TMEM132C: variants seen among roughly 807,000 people sequenced by gnomAD.
The protein encoded by TMEM132C is transmembrane protein 132C.
TMEM132C carries 29 observed loss-of-function variants against 61.4 expected under a neutral mutation model. That is an observed-to-expected ratio of 0.47 (90% CI 0.35 to 0.64). The LOEUF (loss-of-function observed/expected upper bound fraction) is 0.64, where lower values mean the gene tolerates loss of function less well. Ranked by LOEUF, TMEM132C falls within the 30% of genes least tolerant of loss-of-function variation. The probability of loss-of-function intolerance (pLI) is 0.00; values close to 1 mark genes in which losing one functional copy is unlikely to be tolerated. For missense variants in TMEM132C, 1,408 were observed against 1,476.9 expected (o/e 0.95, Z 0.76); for synonymous variants, 656 against 633.1 (o/e 1.04, Z -0.54).
intron 1 of TMEM132C, among the ~76,000 whole-genome samples, chr12:128,409,760 G>C (rs906539240): frequency 6.6e-6 from 1 of 152,088 alleles, no homozygotes; most frequent in African/African-American, 2.4e-5. Context: ...ATCTCAGTAG[G>C]GGGCCAGAGG....
chr12:128,596,997 C>T (rs10400466), intron 3 of TMEM132C, among the ~76,000 whole-genome samples: 8 of 152,134 alleles, frequency 5.3e-5, no homozygotes, highest in East Asian at 3.9e-4. Context: ...TCCAAAACTG[C>T]GGATGCTAAG....
chr12:128,519,872 C>A (rs115984871), intron 2 of TMEM132C, among the ~76,000 whole-genome samples: 1 of 152,202 alleles, frequency 6.6e-6, no homozygotes, highest in East Asian at 1.9e-4. Flanking sequence ...GTTGCCTGTG[C>A]GGCCCTGACT....
At chr12:128,536,508 A>G (rs1267659693) in intron 2 of TMEM132C, among the ~76,000 whole-genome samples, 1 of 148,212 alleles carries the variant, frequency 6.7e-6, no homozygotes, top group Non-Finnish European at 1.5e-5. Context: ...GTGCACGTGT[A>G]CCCTAGAACT....
chr12:128,674,102 G>A (rs76108595), intron 5 of TMEM132C, among the ~76,000 whole-genome samples: 8,929 of 152,218 alleles, frequency 0.059, 760 homozygotes, highest in African/African-American at 0.19. Context: ...TAACATTTTT[G>A]TCACAGTTAA....
Position 128,414,959 on chromosome 12 carries a change from GAGA to G in TMEM132C, c.316_318del (p.Lys106del), listed in dbSNP as rs892978078. Reference sequence around the variant, plus strand: ...TGCCAGCTATGGACCCTTTTCTGTGGAGAAGGTTGTGCCTCTGGACTTGATGTT... The same window carrying G: ...TGCCAGCTATGGACCCTTTTCTGTGGAGGTTGTGCCTCTGGACTTGATGTT... On this transcript the variant is annotated inframe_deletion, in exon 2 of 9. Transcript: ENST00000435159. 1.2e-5 allele frequency: 18 copies of G among 1,551,734 alleles called. No individual in the cohort carries two copies. Among genetic ancestry groups the G allele is most frequent in the Non-Finnish European group, 1.5e-5 (17 of 1,147,062 alleles).
intron 2 of TMEM132C, among the ~76,000 whole-genome samples, chr12:128,525,596 G>A (rs752863711): frequency 2.1e-4 from 32 of 152,228 alleles, no homozygotes; most frequent in Admixed American, 8.5e-4. Flanking sequence ...TTTTGCACAC[G>A]CCCTTCTGAG....
chr12:128,363,620 G>C (rs1463939063), intron 1 of TMEM132C, among the ~76,000 whole-genome samples: 2 of 152,064 alleles, frequency 1.3e-5, no homozygotes, highest in Non-Finnish European at 2.9e-5. Flanking sequence ...GGCTGAGGGG[G>C]CGGATCACGA....
chr12:128,338,872 G>C (rs1340499461), intron 1 of TMEM132C, among the ~76,000 whole-genome samples: 1 of 151,456 alleles, frequency 6.6e-6, no homozygotes, highest in African/African-American at 2.4e-5. Flanking sequence ...GCAAGCCCAG[G>C]CTCCCCTTAG....
intron 4 of TMEM132C, among the ~76,000 whole-genome samples, chr12:128,623,033 C>T (rs921897051): frequency 6.6e-6 from 1 of 152,152 alleles, no homozygotes; most frequent in Non-Finnish European, 1.5e-5. Context: ...TGTCCCTCCC[C>T]TCCAACTAAC....
rs191481498 is a variant in TMEM132C at position 128,693,988 on chromosome 12, C to T, written c.1609C>T (p.Leu537Phe). 6.4e-6 allele frequency: 10 copies of T among 1,551,740 alleles called. No individual in the cohort carries two copies. Among genetic ancestry groups the T allele is most frequent in the South Asian group, 1.2e-5 (1 of 84,062 alleles). Residue 537 changes from leucine to phenylalanine, a missense_variant, in exon 6 of 9, where the codon CTC (leucine) becomes TTC (phenylalanine). Physicochemically the swap from Leu to Phe is conservative, Grantham distance 22. Transcript: ENST00000435159. ...PLQIEVSDTELSQIKGWRVPI... is the reference protein window; with the variant it reads ...PLQIEVSDTEFSQIKGWRVPI... ...GCAGATCGAGGTCTCTGACACGGAG[C>T]TCAGCCAGATAAAGGGCTGGAGGGT...
intron 1 of TMEM132C, among the ~76,000 whole-genome samples, chr12:128,309,776 A>C (rs1871910013): frequency 6.8e-6 from 1 of 147,948 alleles, no homozygotes; most frequent in African/African-American, 2.5e-5. Flanking sequence ...TGCGTCACCC[A>C]GGCTGGAGTG....
At chr12:128,323,056 G>T (rs1158869098) in intron 1 of TMEM132C, among the ~76,000 whole-genome samples, 2 of 152,188 alleles carry the variant, frequency 1.3e-5, no homozygotes, top group Non-Finnish European at 2.9e-5. Flanking sequence ...TCATATTCTG[G>T]TGGAGCAGGA....
At position 128,697,332 on chromosome 12, in the gene TMEM132C, G is replaced by T; in HGVS notation, c.2038G>T (p.Val680Phe). Residue 680 changes from valine to phenylalanine, a missense_variant, in exon 8 of 9, where the codon GTC (valine) becomes TTC (phenylalanine). By Grantham distance (50) the Val-to-Phe change is conservative. Coordinates refer to ENST00000435159, the MANE Select transcript of TMEM132C (RefSeq NM_001136103.3). Reference protein sequence around the residue: ...LAIQLVAGLSVALYPNAENSK... With the variant: ...LAIQLVAGLSFALYPNAENSK... The stretch of plus-strand genomic sequence containing the variant: ...CATCCAGCTCGTGGCTGGGCTGTCT[G>T]TCGCCCTTTACCCCAACGCAGAAAA... The T allele has an allele frequency of 6.4e-7, 1 of 1,551,372 alleles. No individual in the cohort carries two copies. Among genetic ancestry groups the T allele is most frequent in the Middle Eastern group, 1.7e-4 (1 of 5,992 alleles).
intron 4 of TMEM132C, among the ~76,000 whole-genome samples, chr12:128,652,061 C>A (rs1954276309): frequency 6.6e-6 from 1 of 152,250 alleles, no homozygotes; most frequent in Non-Finnish European, 1.5e-5. Context: ...ATGCCTGGAC[C>A]CTTGCAGGTC....
intron 4 of TMEM132C, among the ~76,000 whole-genome samples, chr12:128,652,702 G>T (rs1311292248): frequency 2.0e-5 from 3 of 152,212 alleles, no homozygotes; most frequent in Non-Finnish European, 4.4e-5. Flanking sequence ...CCCTTCTGGA[G>T]CCCCCATTGC....
intron 1 of TMEM132C, among the ~76,000 whole-genome samples, chr12:128,363,576 G>A (rs557927279): frequency 3.9e-5 from 6 of 152,182 alleles, no homozygotes; most frequent in South Asian, 2.1e-4. Flanking sequence ...GGCCAGGTGC[G>A]GTGGCTCATG....
intron 1 of TMEM132C, chr12:128,400,205 G>A (rs7132148): frequency 0.061 from 9,340 of 152,294 alleles, 986 homozygotes; most frequent in African/African-American, 0.21. Context: ...AGCTTCTCCC[G>A]GGCCCCTCAC....
intron 5 of TMEM132C, among the ~76,000 whole-genome samples, chr12:128,675,884 AATAG>A (rs71801640): frequency 0.015 from 634 of 42,734 alleles, 16 homozygotes; most frequent in Admixed American, 0.097. Context: ...TAGATAGATA[AATAG>A]ATAGATAGAT....
rs535702690 is a variant in TMEM132C at position 128,528,514 on chromosome 12, C to T, written c.975-15443C>T. Among the ~76,000 whole-genome samples the T allele has an allele frequency of 5.3e-5, 8 of 152,230 alleles. No homozygotes were observed. The South Asian group carries it at 1.0e-3, about 20-fold the overall frequency. On this transcript the variant is annotated intron_variant, in intron 2 of 8. Coordinates refer to ENST00000435159, the MANE Select transcript of TMEM132C (RefSeq NM_001136103.3). ...TGATCACACAGCGGTGTCTCCTGCT[C>T]GCCCCACTCACTCTGCTGAGCTCTG...
Sources: gnomAD v4.1 joint callset for allele counts (sites outside exome capture counted in the v4.1 genomes callset) on GRCh38, gnomAD v4.1.1 for gene constraint, MANE v1.5 for transcripts, NCBI Gene and HGNC (gene_info 2026-07-23, HGNC 2026-07-21) for gene names.